Variants in ZNF536 observed in about 807,000 individuals in gnomAD.
ZNF536 encodes the protein zinc finger protein 536.
ZNF536 carries 13 observed loss-of-function variants against 84.5 expected under a neutral mutation model. The observed-to-expected ratio is 0.15, with a 90% CI of 0.10 to 0.24. The LOEUF is 0.24. Ranked by LOEUF, ZNF536 falls within the 10% of genes least tolerant of loss-of-function variation. The pLI is 1.00. For missense variants in ZNF536, 1,536 were observed against 1,747.5 expected (o/e 0.88, Z 2.16); for synonymous variants, 811 against 742.5 (o/e 1.09, Z -1.50).
chr19:30,441,129 C>A (rs1048846488), intron 1 of ZNF536, among the ~76,000 whole-genome samples: 1 of 152,196 alleles, frequency 6.6e-6, no homozygotes, highest in South Asian at 2.1e-4. Context: ...CCTTCTTTCC[C>A]TCCTGCTGAA....
chr19:30,249,834 C>T (rs968687719), intron 1 of ZNF536, among the ~76,000 whole-genome samples: 6 of 152,140 alleles, frequency 3.9e-5, no homozygotes, highest in African/African-American at 1.4e-4. Flanking sequence ...AGTCACCAGG[C>T]TCTAGTGGGA....
chr19:30,402,823 A>ATATATATATATAT (rs71171802), intron 1 of ZNF536, among the ~76,000 whole-genome samples: 141 of 138,202 alleles, frequency 1.0e-3, no homozygotes, highest in South Asian at 3.2e-3. Context: ...ATATATATAT[A>ATATATATATATAT]ATTTTCAAAA....
chr19:30,233,809 G>C (rs184842105), intron 1 of ZNF536, among the ~76,000 whole-genome samples: 2 of 152,306 alleles, frequency 1.3e-5, no homozygotes, highest in East Asian at 3.9e-4. Flanking sequence ...TTATGCCTCT[G>C]GAGTTGGCAT....
chr19:30,496,783 G>A (rs2054737753), intron 2 of ZNF536, among the ~76,000 whole-genome samples: 1 of 152,038 alleles, frequency 6.6e-6, no homozygotes, highest in Non-Finnish European at 1.5e-5. Context: ...GCCTCGAGTA[G>A]ATGCTTTTTA....
chr19:30,572,188 T>C (rs934911003), intron 1 of ZNF536, among the ~76,000 whole-genome samples: 2 of 152,194 alleles, frequency 1.3e-5, no homozygotes, highest in Non-Finnish European at 2.9e-5. Flanking sequence ...GAAAAAGTAC[T>C]GAAAGAGCCC....
chr19:30,601,110 T>C lies in ZNF536; in HGVS notation c.169+51596T>C, dbSNP rs148834110. Among the ~76,000 whole-genome samples the C allele has an allele frequency of 4.1e-3, 617 of 152,274 alleles. 6 individuals are homozygous for C. The highest frequency in any genetic ancestry group is 0.014 in the African/African-American group (583 of 41,538). On this transcript the variant is annotated intron_variant, in intron 1 of 1. Coordinates refer to the ZNF536 transcript ENST00000592773. ...TGTTCCCACAGTGAGGACGCTGAAA[T>C]CTAAATTGTGAACTCTGGGAGCCGG... is the stretch of plus-strand genomic sequence containing the variant.
chr19:30,662,191 C>T (rs2050145253), intron 1 of ZNF536, among the ~76,000 whole-genome samples: 1 of 152,092 alleles, frequency 6.6e-6, no homozygotes, highest in Non-Finnish European at 1.5e-5. Flanking sequence ...TGGGATGGGC[C>T]CCCCAGAAGA....
chr19:30,479,281 T>C (rs1422248286), intron 2 of ZNF536, among the ~76,000 whole-genome samples: 1 of 152,120 alleles, frequency 6.6e-6, no homozygotes, highest in Admixed American at 6.6e-5. Context: ...GACATTGAGA[T>C]CCAGCTGTCA....
chr19:30,707,948 T>C (rs1600348208), intron 1 of ZNF536, among the ~76,000 whole-genome samples: 1 of 149,568 alleles, frequency 6.7e-6, no homozygotes, highest in Non-Finnish European at 1.5e-5. Flanking sequence ...GAGGCAGAGG[T>C]TGCAGTAAGC....
chr19:30,652,390 A>T (rs1383588198), intron 1 of ZNF536, among the ~76,000 whole-genome samples: 2 of 152,116 alleles, frequency 1.3e-5, no homozygotes, highest in Non-Finnish European at 2.9e-5. Flanking sequence ...TCTCAAATCT[A>T]ATTGTATTTA....
chr19:30,410,275 G>C (rs2050423572), intron 1 of ZNF536, among the ~76,000 whole-genome samples: 3 of 151,572 alleles, frequency 2.0e-5, no homozygotes, highest in South Asian at 4.2e-4. Context: ...TATATCCTTA[G>C]GGTAAAATTT....
intron 1 of ZNF536, among the ~76,000 whole-genome samples, chr19:30,654,166 C>A (rs1167757029): frequency 6.6e-6 from 1 of 152,164 alleles, no homozygotes; most frequent in African/African-American, 2.4e-5. Context: ...TGCTACCTGG[C>A]AGCAGGTGTG....
intron 1 of ZNF536, among the ~76,000 whole-genome samples, chr19:30,629,550 A>G (rs1262327999): frequency 6.6e-6 from 1 of 152,208 alleles, no homozygotes. Context: ...CGTCCTTATT[A>G]TCTCTTTTGT....
chr19:30,535,114 C>G, intron 3 of ZNF536, 115 bp downstream of exon 3: 1 of 1,265,730 alleles, frequency 7.9e-7, no homozygotes. Context: ...GGAAGGTTCT[C>G]CCTGGGCCTG....
intron 1 of ZNF536, among the ~76,000 whole-genome samples, chr19:30,577,254 C>A (rs1259616429): frequency 2.6e-5 from 4 of 151,894 alleles, no homozygotes; most frequent in African/African-American, 9.7e-5. Flanking sequence ...ATGGTTAAGG[C>A]CTTGTATGCC....
chr19:30,491,827 T>C (rs1432071032), intron 2 of ZNF536, among the ~76,000 whole-genome samples: 3 of 150,136 alleles, frequency 2.0e-5, no homozygotes, highest in Admixed American at 1.3e-4. Flanking sequence ...TTCTTTTCCT[T>C]TCCTTTTCTT....
At chr19:30,364,667 C>T (rs1170987347) in intron 3 of ZNF536, among the ~76,000 whole-genome samples, 3 of 152,214 alleles carry the variant, frequency 2.0e-5, no homozygotes, top group African/African-American at 4.8e-5. Flanking sequence ...GTCCAGCCTG[C>T]ACAGGGTGCA....
intron 1 of ZNF536, among the ~76,000 whole-genome samples, chr19:30,602,956 G>A (rs2047741974): frequency 6.6e-6 from 1 of 152,188 alleles, no homozygotes. Context: ...CCATCCCCCA[G>A]ACAAACAAGG....
chr19:30,566,651 T>C (rs2046358130), intron 1 of ZNF536, among the ~76,000 whole-genome samples: 1 of 150,998 alleles, frequency 6.6e-6, no homozygotes, highest in South Asian at 2.1e-4. Flanking sequence ...GGGGGATCCC[T>C]GCCTGTGGCC....
Sources: gnomAD v4.1 joint callset for allele counts (sites outside exome capture counted in the v4.1 genomes callset) on GRCh38, gnomAD v4.1.1 for gene constraint, MANE v1.5 for transcripts, NCBI Gene and HGNC (gene_info 2026-07-23, HGNC 2026-07-21) for gene names.